The following TRIM44 variants were observed in gnomAD, a reference collection of about 807,000 sequenced individuals.
TRIM44 encodes tripartite motif-containing protein 44.
A neutral mutation model predicts 37.4 loss-of-function variants in TRIM44; 13 were observed. The ratio of observed to expected loss-of-function variants is 0.35; its 90% CI spans 0.23 to 0.55. The LOEUF is 0.55. Among genes scored for constraint, TRIM44 ranks in the 20% least tolerant of loss-of-function variants. The pLI, the probability that TRIM44 is intolerant of heterozygous loss-of-function variation, is 0.89. For missense variants in TRIM44, 426 were observed against 437.2 expected, an observed-to-expected ratio of 0.97 and a Z score of 0.23; for synonymous variants, 175 against 157.2, an observed-to-expected ratio of 1.11 and a Z score of -0.85.
At chr11:35,761,867 TC>T (rs1370219339) in intron 4 of TRIM44, among the ~76,000 whole-genome samples, 1 of 152,202 alleles carries the variant, frequency 6.6e-6, no homozygotes, top group Non-Finnish European at 1.5e-5. Context: ...TGACTTACCT[TC>T]CCTGTTTGCT....
At chr11:35,801,523 C>T (rs1167108593) in intron 4 of TRIM44, among the ~76,000 whole-genome samples, 1 of 152,200 alleles carries the variant, frequency 6.6e-6, no homozygotes, top group Non-Finnish European at 1.5e-5. Flanking sequence ...CCCTAAAGCT[C>T]TGGGGACAGA....
chr11:35,716,458 T>C (rs1244135934), intron 2 of TRIM44, among the ~76,000 whole-genome samples: 3 of 151,946 alleles, frequency 2.0e-5, no homozygotes, highest in Non-Finnish European at 4.4e-5. Flanking sequence ...TAGCAGGGAG[T>C]ATTTGGAAGG....
At position 35,813,631 on chromosome 11, in the gene TRIM44, T is replaced by C. The variant is rs1853550649; in HGVS notation, c.*7246T>C. The C allele has an allele frequency of 6.6e-6, 1 of 152,118 alleles. No homozygotes were observed. The highest frequency in any genetic ancestry group is 2.4e-5 in the African/African-American group (1 of 41,428). The allele number at this position is 152,118 out of a possible 1,614,324, so 9.4% of individuals were successfully genotyped here. A position where few individuals can be genotyped will look rare whatever the true frequency, so the allele number is the denominator to read the frequency against. ...TAGTGTCAAAAACAGTCTATACACA[T>C]CTCAATCTTTAAGAGCCTCACTGTA... is the stretch of plus-strand genomic sequence containing the variant. On this transcript the variant is annotated 3_prime_UTR_variant, in exon 5 of 5. Coordinates refer to ENST00000299413, the MANE Select transcript of TRIM44 (RefSeq NM_017583.6).
At chr11:35,753,301 T>A (rs1433296090) in intron 4 of TRIM44, among the ~76,000 whole-genome samples, 1 of 152,228 alleles carries the variant, frequency 6.6e-6, no homozygotes, top group East Asian at 1.9e-4. Flanking sequence ...CCTCAGAGCC[T>A]AATACCCCTG....
Position 35,779,890 on chromosome 11 carries a change from T to TC in TRIM44, c.1008-26468_1008-26467insC, listed in dbSNP as rs397798417. ...CTTTGCCTATTTTTTTTTTTTTTTT[T>TC]ACTTTGTCAAAGATCAGATGGCTAT... On this transcript the variant is annotated intron_variant, in intron 4 of 4. Transcript: ENST00000299413. Among the ~76,000 whole-genome samples, 153 of 149,770 alleles carry TC rather than the reference T, an allele frequency of 1.0e-3. 1 individual carries two copies. The highest frequency in any genetic ancestry group is 1.7e-3 in the Non-Finnish European group (115 of 67,184).
chr11:35,752,152 CT>C (rs201354964), intron 4 of TRIM44, among the ~76,000 whole-genome samples: 68 of 146,638 alleles, frequency 4.6e-4, no homozygotes, highest in Admixed American at 5.5e-4. Context: ...CAATATCTTT[CT>C]TTTTTTTTTT....
chr11:35,756,938 G>A (rs1471205271), intron 4 of TRIM44, among the ~76,000 whole-genome samples: 2 of 152,192 alleles, frequency 1.3e-5, no homozygotes, highest in Non-Finnish European at 2.9e-5. Flanking sequence ...TGGCGTCGAT[G>A]TTCATCAGGG....
intron 4 of TRIM44, among the ~76,000 whole-genome samples, chr11:35,774,001 T>A (rs1852914148): frequency 6.6e-6 from 1 of 152,232 alleles, no homozygotes; most frequent in African/African-American, 2.4e-5. Context: ...ATGGGATGGC[T>A]GGGTCAAATG....
chr11:35,787,132 A>G (rs1853140946), intron 4 of TRIM44, among the ~76,000 whole-genome samples: 1 of 152,176 alleles, frequency 6.6e-6, no homozygotes, highest in South Asian at 2.1e-4. Context: ...GTGGGCGGGC[A>G]TGGGGACGAG....
At chr11:35,742,792 A>G in intron 4 of TRIM44, among the ~76,000 whole-genome samples, 1 of 4,660 alleles carries the variant, frequency 2.1e-4, no homozygotes, top group East Asian at 0.25. Context: ...ATATACAATT[A>G]TATTAATATA....
At position 35,663,277 on chromosome 11, in the gene TRIM44, C is replaced by A; in HGVS notation, c.166C>A (p.His56Asn). 6.2e-7 allele frequency: 1 copy of A among 1,613,968 alleles called. No homozygotes were observed. The highest frequency in any genetic ancestry group is 8.5e-7 in the Non-Finnish European group (1 of 1,179,870). ...EAHRQKFLSH[H>N]LAEYVHGSQA... ...GCACAGGCAGAAGTTCCTCAGTCAC[C>A]ATCTGGCCGAATACGTCCACGGCTC... The change falls in exon 1 of 5, where the codon CAT becomes AAT. Residue 56 changes from histidine (H) to asparagine (N), a missense_variant. Transcript: ENST00000299413.
At chr11:35,773,354 G>T (rs1301956693) in intron 4 of TRIM44, among the ~76,000 whole-genome samples, 4 of 151,788 alleles carry the variant, frequency 2.6e-5, no homozygotes, top group African/African-American at 9.7e-5. Flanking sequence ...TTGTTGAATT[G>T]TTCAAGTTTG....
chr11:35,669,455 C>T (rs1315161059), intron 1 of TRIM44, among the ~76,000 whole-genome samples: 1 of 140,622 alleles, frequency 7.1e-6, no homozygotes, highest in African/African-American at 2.6e-5. Flanking sequence ...GAAAGGATCC[C>T]CTTTATTTAT....
At chr11:35,718,890 T>A (rs903337496) in intron 2 of TRIM44, among the ~76,000 whole-genome samples, 79 of 148,220 alleles carry the variant, frequency 5.3e-4, no homozygotes, top group Middle Eastern at 6.9e-3. Flanking sequence ...TAGCTTTTTT[T>A]TTTTCTTGTT....
At position 35,730,755 on chromosome 11, in the gene TRIM44, T is replaced by C. The variant is rs539415151; in HGVS notation, c.987+4592T>C. Among the ~76,000 whole-genome samples, 9 of 152,274 alleles carry C rather than the reference T, an allele frequency of 5.9e-5. No individual in the cohort carries two copies. In the South Asian group the frequency reaches 1.9e-3, roughly 32 times the overall value. ...ATTTATTCCTAGTTATTTAATATTTTCAGTACTATTGAAAATAGAATTGTT... is the reference window on the plus strand; with the variant it reads ...ATTTATTCCTAGTTATTTAATATTTCCAGTACTATTGAAAATAGAATTGTT... On this transcript the variant is annotated intron_variant, in intron 3 of 4. Transcript: ENST00000299413.
At chr11:35,692,502 A>G (rs1851648794) in intron 2 of TRIM44, among the ~76,000 whole-genome samples, 1 of 152,092 alleles carries the variant, frequency 6.6e-6, no homozygotes. Flanking sequence ...CTAATCTGAA[A>G]ATCTGCAATC....
intron 1 of TRIM44, among the ~76,000 whole-genome samples, chr11:35,682,128 G>A (rs1343565042): frequency 6.6e-6 from 1 of 151,542 alleles, no homozygotes; most frequent in Non-Finnish European, 1.5e-5. Context: ...CCCTCCTGTA[G>A]CCATGCCTGT....
chr11:35,754,394 C>G (rs1852599822), intron 4 of TRIM44, among the ~76,000 whole-genome samples: 2 of 152,196 alleles, frequency 1.3e-5, no homozygotes, highest in African/African-American at 4.8e-5. Context: ...TATGGAGACT[C>G]ACTGCCTGTC....
intron 3 of TRIM44, among the ~76,000 whole-genome samples, chr11:35,730,275 T>G (rs1852239209): frequency 6.6e-6 from 1 of 152,200 alleles, no homozygotes; most frequent in Non-Finnish European, 1.5e-5. Flanking sequence ...AATTTGAAGA[T>G]AGATTGATAC....
Sources: allele counts gnomAD v4.1 joint callset (sites outside exome capture counted in the v4.1 genomes callset), GRCh38; gene constraint gnomAD v4.1.1; transcripts MANE v1.5; gene names NCBI Gene and HGNC (gene_info 2026-07-23, HGNC 2026-07-21).